TTC7B: variants seen among roughly 807,000 people sequenced by gnomAD.
TTC7B encodes tetratricopeptide repeat domain 7B.
Under a neutral mutation model 106.8 loss-of-function variants are expected in TTC7B, and 28 were observed. That is an observed-to-expected ratio of 0.26 (90% CI 0.19 to 0.36). TTC7B has a LOEUF of 0.36. TTC7B is among the 10% of genes least tolerant of loss of function. TTC7B has a pLI of 1.00. For synonymous variants in TTC7B, 405 were observed against 430.6 expected (o/e 0.94, Z 0.74); for missense variants, 862 against 1,076.4 (o/e 0.80, Z 2.79).
chr14:90,640,577 G>T (rs1201586308), intron 15 of TTC7B, among the ~76,000 whole-genome samples: 1 of 152,086 alleles, frequency 6.6e-6, no homozygotes, highest in African/African-American at 2.4e-5. Flanking sequence ...TTCATTGTAT[G>T]ATTTTAGATA....
chr14:90,630,857 T>C (rs34898530), intron 15 of TTC7B, among the ~76,000 whole-genome samples: 30,143 of 146,418 alleles, frequency 0.21, 3,934 homozygotes, highest in Non-Finnish European at 0.28. Context: ...TTTTTTGAGA[T>C]GGAGTCTCAC....
intron 19 of TTC7B, among the ~76,000 whole-genome samples, chr14:90,559,042 C>A (rs1392875874): frequency 6.6e-6 from 1 of 152,236 alleles, no homozygotes; most frequent in South Asian, 2.1e-4. Flanking sequence ...TCAGTTACCA[C>A]TTCAATATGG....
intron 3 of TTC7B, among the ~76,000 whole-genome samples, 182 bp from the exon 4 acceptor site, chr14:90,745,104 G>C (rs1002279376): frequency 7.2e-5 from 11 of 151,918 alleles, no homozygotes; most frequent in Admixed American, 3.9e-4. Context: ...TATTGCACTG[G>C]CAGGAATCTC....
intron 16 of TTC7B, among the ~76,000 whole-genome samples, chr14:90,611,279 C>T (rs766022085): frequency 3.3e-5 from 5 of 152,138 alleles, no homozygotes; most frequent in Non-Finnish European, 5.9e-5. Flanking sequence ...CCAGGCTGCA[C>T]GGAAAAATCA....
chr14:90,626,829 G>A lies in TTC7B; in HGVS notation c.1752-8784C>T, dbSNP rs145500373. The stretch of plus-strand genomic sequence containing the variant: ...CCAGTCTGCCAACAGAACCAGTGAC[G>A]GGGGGTTTAAAGAGCATGGATGACT... On this transcript the variant is annotated intron_variant, in intron 15 of 19. Transcript: ENST00000328459. Among the ~76,000 whole-genome samples, 400 of 152,202 alleles carry A rather than the reference G, an allele frequency of 2.6e-3. 1 individual carries two copies. The highest frequency in any genetic ancestry group is 9.0e-3 in the African/African-American group (373 of 41,512).
intron 17 of TTC7B, 107 bp from the exon 18 acceptor site, chr14:90,593,733 T>C: frequency 1.7e-6 from 2 of 1,156,700 alleles, no homozygotes; most frequent in African/African-American, 1.6e-5. Flanking sequence ...CCTTCCCCCA[T>C]GATGTTTCTA....
At chr14:90,560,533 GA>G (rs745895858) in intron 19 of TTC7B, among the ~76,000 whole-genome samples, 8 of 152,246 alleles carry the variant, frequency 5.3e-5, no homozygotes, top group Non-Finnish European at 7.3e-5. Context: ...TGAGGATTCA[GA>G]AAGGGAAAGG....
intron 15 of TTC7B, among the ~76,000 whole-genome samples, chr14:90,620,597 G>A (rs1337884353): frequency 4.6e-5 from 7 of 152,194 alleles, no homozygotes; most frequent in Admixed American, 6.5e-5. Context: ...CCAGGAAGCC[G>A]TGCACGTGCT....
chr14:90,681,488 C>CAAAA (rs35635095), intron 7 of TTC7B, among the ~76,000 whole-genome samples: 4 of 141,168 alleles, frequency 2.8e-5, no homozygotes, highest in Non-Finnish European at 1.6e-5. Context: ...CAATAAAAGG[C>CAAAA]AAAAAAAAAA....
At chr14:90,725,677 T>G (rs1244752108) in intron 5 of TTC7B, among the ~76,000 whole-genome samples, 1 of 152,088 alleles carries the variant, frequency 6.6e-6, no homozygotes, top group East Asian at 1.9e-4. Context: ...AGTCAAGGCC[T>G]CCCATGCAGC....
intron 9 of TTC7B, among the ~76,000 whole-genome samples, chr14:90,666,598 G>T (rs1886419906): frequency 6.6e-6 from 1 of 152,178 alleles, no homozygotes; most frequent in Non-Finnish European, 1.5e-5. Context: ...CCCCCTCCTT[G>T]CCCCAAGTTT....
At chr14:90,551,909 T>G (rs1890097619) in intron 19 of TTC7B, among the ~76,000 whole-genome samples, 1 of 152,214 alleles carries the variant, frequency 6.6e-6, no homozygotes, top group African/African-American at 2.4e-5. Context: ...CATGCGTGGG[T>G]GGGGTGGGGG....
chr14:90,726,926 T>TCGGG lies in TTC7B; in HGVS notation c.698+3145_698+3148dup, dbSNP rs1254029825. Among the ~76,000 whole-genome samples, 25 of 152,044 alleles carry TCGGG rather than the reference T, an allele frequency of 1.6e-4. 1 individual carries two copies. The East Asian group carries it at 4.5e-3, about 27-fold the overall frequency. ...TCCAAGTCAGACCGCGCCCAGAGAC[T>TCGGG]CGGGACTGGGAGGTGGAGGAAGTTA... On this transcript the variant is annotated intron_variant, in intron 5 of 19. Transcript: ENST00000328459.
rs551547586 is a variant in TTC7B, at chr14:90,791,399, G to A, written c.122-5071C>T. Among the ~76,000 whole-genome samples the A allele has an allele frequency of 7.9e-5, 12 of 152,260 alleles. No individual in the cohort carries two copies. The South Asian group carries it at 2.5e-3, about 32-fold the overall frequency. Reference sequence around the variant, plus strand: ...AAATGGTGAATTAATTAGATGATAGGGAAGGCATCTGCATCTTCCCCAGGG... The same window carrying A: ...AAATGGTGAATTAATTAGATGATAGAGAAGGCATCTGCATCTTCCCCAGGG... On this transcript the variant is annotated intron_variant, in intron 1 of 19. Coordinates refer to ENST00000328459, the MANE Select transcript of TTC7B (RefSeq NM_001010854.2).
intron 19 of TTC7B, among the ~76,000 whole-genome samples, chr14:90,548,495 G>A (rs1462722103): frequency 6.6e-6 from 1 of 152,242 alleles, no homozygotes; most frequent in Middle Eastern, 3.2e-3. Flanking sequence ...TCAATGTAGT[G>A]TATGTTTTGC....
intron 17 of TTC7B, among the ~76,000 whole-genome samples, chr14:90,607,592 G>A (rs564126215): frequency 2.6e-5 from 4 of 152,282 alleles, no homozygotes; most frequent in East Asian, 1.9e-4. Context: ...GTGTTGCAGC[G>A]GATGTTCAAA....
Position 90,541,125 on chromosome 14 carries a change from T to C in TTC7B, c.*243A>G. On this transcript the variant is annotated 3_prime_UTR_variant, in exon 20 of 20. Transcript: ENST00000328459. ...ATGTCAACTAACAAAATATGGCACA[T>C]GATCCATTTTGAACAATGTCAATAG... 1 of 419,010 alleles carries C rather than the reference T, an allele frequency of 2.4e-6. No homozygotes were observed. Among genetic ancestry groups the C allele is most frequent in the Admixed American group, 4.0e-5 (1 of 24,712 alleles). 26.0% of individuals were successfully genotyped at this position (419,010 alleles called of 1,614,324 possible). A position where few individuals can be genotyped will look rare whatever the true frequency, so the allele number is the denominator to read the frequency against.
intron 1 of TTC7B, 29 bp from the exon 2 acceptor site, chr14:90,786,357 G>A (rs1440000426): frequency 6.2e-7 from 1 of 1,610,722 alleles, no homozygotes; most frequent in Non-Finnish European, 8.5e-7. Context: ...AACAAAGTGG[G>A]AGCAAGGAAT....
Position 90,744,933 on chromosome 14 carries a change from T to C in TTC7B, c.446-11A>G. The C allele has an allele frequency of 6.2e-7, 1 of 1,611,694 alleles. No homozygotes were observed. The highest frequency in any genetic ancestry group is 8.5e-7 in the Non-Finnish European group (1 of 1,179,508). On this transcript the variant is annotated splice_polypyrimidine_tract_variant and intron_variant, in intron 3 of 19. Coordinates refer to ENST00000328459, the MANE Select transcript of TTC7B (RefSeq NM_001010854.2). ...TCTCCAAACAAAGTCCTTAAAAAAATATCAGACACAAAAACTGAGTGAATT... is the reference window on the plus strand; with the variant it reads ...TCTCCAAACAAAGTCCTTAAAAAAACATCAGACACAAAAACTGAGTGAATT...
Sources: gnomAD v4.1 joint callset for allele counts (sites outside exome capture counted in the v4.1 genomes callset) on GRCh38, gnomAD v4.1.1 for gene constraint, MANE v1.5 for transcripts, NCBI Gene and HGNC (gene_info 2026-07-23, HGNC 2026-07-21) for gene names.